TSPYL5: variants seen among roughly 807,000 people sequenced by gnomAD.
TSPYL5 encodes the protein testis-specific Y-encoded-like protein 5.
For missense variants in TSPYL5, 556 were observed against 555.5 expected (o/e 1.00, Z -0.01); for synonymous variants, 276 against 236.1 (o/e 1.17, Z -1.55).
Position 97,274,614 on chromosome 8 carries a change from C to A in TSPYL5, c.*1977G>T, listed in dbSNP as rs578052901. On this transcript the variant is annotated 3_prime_UTR_variant, in exon 1 of 1. Coordinates refer to ENST00000322128, the MANE Select transcript of TSPYL5 (RefSeq NM_033512.3). Reference sequence around the variant, plus strand: ...GCCATTTCTGTCTGATTTTGCAGGCCCACTCCATACCAGTATCATGCCTAC... The same window carrying A: ...GCCATTTCTGTCTGATTTTGCAGGCACACTCCATACCAGTATCATGCCTAC... The A allele has an allele frequency of 9.7e-4, 118 of 121,582 alleles. No individual in the cohort carries two copies. The highest frequency in any genetic ancestry group is 2.9e-3 in the African/African-American group (112 of 38,916). 7.5% of individuals were successfully genotyped at this position (121,582 alleles called of 1,614,324 possible).
chr8:97,274,887 C>A lies in TSPYL5; in HGVS notation c.*1704G>T, dbSNP rs994697371. The stretch of plus-strand genomic sequence containing the variant: ...TCTGCCCATCCCAATCCCCATCCCC[C>A]AGGAGAAGCTTGAGATGCTCCATAT... On this transcript the variant is annotated 3_prime_UTR_variant, in exon 1 of 1. Transcript: ENST00000322128. The A allele has an allele frequency of 6.6e-6, 1 of 152,262 alleles. No individual in the cohort carries two copies. Among genetic ancestry groups the A allele is most frequent in the Non-Finnish European group, 1.5e-5 (1 of 68,056 alleles). The allele number at this position is 152,262 out of a possible 1,614,324, so 9.4% of individuals were successfully genotyped here.
chr8:97,276,682 C>T lies in TSPYL5; in HGVS notation c.1163G>A (p.Arg388His), dbSNP rs768441495. The stretch of plus-strand genomic sequence containing the variant: ...TTCTTTTTCCTTTCCTTTCTCTACA[C>T]GAGCCCCTTCACTCAAAAGGTAGAA... The part of the protein sequence containing the change: ...LQFYLLSEGA[R>H]VEKGKEKEGR... Residue 388 changes from arginine to histidine, a missense_variant, in exon 1 of 1, where the codon CGT becomes CAT. Transcript: ENST00000322128. 37 of 1,614,190 alleles carry T rather than the reference C, an allele frequency of 2.3e-5. No homozygotes were observed. The highest frequency in any genetic ancestry group is 2.0e-4 in the South Asian group (18 of 91,084).
In TSPYL5 at chr8:97,276,052, T is replaced by C. The variant is rs755740257; in HGVS notation, c.*539A>G. The C allele has an allele frequency of 6.5e-6, 1 of 154,582 alleles. No homozygotes were observed. The highest frequency in any genetic ancestry group is 1.4e-5 in the Non-Finnish European group (1 of 69,806). The allele number at this position is 154,582 out of a possible 1,614,324, so 9.6% of individuals were successfully genotyped here. A position where few individuals can be genotyped will look rare whatever the true frequency, so the allele number is the denominator to read the frequency against. ...ACAGACCACAGGCCAAAGCCAGAAA[T>C]AAAGCAGGTGACATCTCAGCTGGTG... is the stretch of plus-strand genomic sequence containing the variant. On this transcript the variant is annotated 3_prime_UTR_variant, in exon 1 of 1. Transcript: ENST00000322128.
chr8:97,277,385 T>C lies in TSPYL5; in HGVS notation c.460A>G (p.Ser154Gly). Residue 154 changes from serine to glycine, a missense_variant, in exon 1 of 1, where the codon AGC becomes GGC. Transcript: ENST00000322128. The surrounding 1 kb of genome is among the most constrained non-coding windows in gnomAD (Gnocchi z 4.5). ...PAGKKAPETC[S>G]TAGRGPQVIA... ...ACCTGAGGCCCCCTCCCCGCGGTGC[T>C]ACAGGTTTCTGGGGCCTTCTTCCCG... is the stretch of plus-strand genomic sequence containing the variant. 1 of 1,595,184 alleles carries C rather than the reference T, an allele frequency of 6.3e-7. No homozygotes were observed. Among genetic ancestry groups the C allele is most frequent in the Middle Eastern group, 1.7e-4 (1 of 5,906 alleles).
In TSPYL5 at chr8:97,273,921, G is replaced by C. The variant is rs1810468796; in HGVS notation, c.*2670C>G. 1 of 152,244 alleles carries C rather than the reference G, an allele frequency of 6.6e-6. No homozygotes were observed. The highest frequency in any genetic ancestry group is 1.9e-4 in the East Asian group (1 of 5,184). 9.4% of individuals were successfully genotyped at this position (152,244 alleles called of 1,614,324 possible). On this transcript the variant is annotated 3_prime_UTR_variant, in exon 1 of 1. Transcript: ENST00000322128. ...TTAATTCTTAAAACACATTTCTAAGGCCCATCTCTGGAACTTCATTAGTTA... is the reference window on the plus strand; with the variant it reads ...TTAATTCTTAAAACACATTTCTAAGCCCCATCTCTGGAACTTCATTAGTTA...
Position 97,277,095 on chromosome 8 carries a change from G to T in TSPYL5, c.750C>A (p.Gly250=). The T allele has an allele frequency of 6.2e-7, 1 of 1,612,414 alleles. No individual in the cohort carries two copies. The highest frequency in any genetic ancestry group is 1.3e-5 in the African/African-American group (1 of 75,052). ...GGTTCTGAAATGCTTGCCCCCAGAAGCCCGGGATATTTTGGATGAGGTGGT... is the reference window on the plus strand; with the variant it reads ...GGTTCTGAAATGCTTGCCCCCAGAATCCCGGGATATTTTGGATGAGGTGGT... ...RRNHLIQNIP[G]FWGQAFQNHP... The change falls in exon 1 of 1, where the codon GGC becomes GGA. Residue 250 remains glycine, a synonymous_variant. Coordinates refer to ENST00000322128, the MANE Select transcript of TSPYL5 (RefSeq NM_033512.3). This position sits in a 1 kb window ranked among gnomAD's most constrained non-coding sequence, Gnocchi z 4.5.
In TSPYL5 at chr8:97,277,018, T is replaced by C; in HGVS notation, c.827A>G (p.Tyr276Cys). The C allele has an allele frequency of 1.2e-6, 2 of 1,614,206 alleles. No individual in the cohort carries two copies. The highest frequency in any genetic ancestry group is 1.1e-5 in the South Asian group (1 of 91,086). The change falls in exon 1 of 1, where the codon TAC becomes TGC. Residue 276 changes from tyrosine (Y) to cysteine (C), a missense_variant. Tyr to Cys is a radical substitution (Grantham distance 194). Coordinates refer to ENST00000322128, the MANE Select transcript of TSPYL5 (RefSeq NM_033512.3). The surrounding 1 kb of genome is among the most constrained non-coding windows in gnomAD (Gnocchi z 4.5). ...LNSQEKEVLS[Y>C]LNSLEVEELG... is the part of the protein sequence containing the mutation. ...CTCTTCCACTTCCAAGCTGTTTAAG[T>C]AGCTCAGTACCTCTTTCTCTTGGCT...
In TSPYL5 at chr8:97,276,930, T is replaced by C. The variant is rs1350586562; in HGVS notation, c.915A>G (p.Gln305=). 1 of 1,614,146 alleles carries C rather than the reference T, an allele frequency of 6.2e-7. No individual in the cohort carries two copies. Among genetic ancestry groups the C allele is most frequent in the Middle Eastern group, 1.6e-4 (1 of 6,062 alleles). The change falls in exon 1 of 1, where the codon CAA becomes CAG. Residue 305 remains glutamine, a synonymous_variant. Coordinates refer to ENST00000322128, the MANE Select transcript of TSPYL5 (RefSeq NM_033512.3). ...KFYFDRNPYF[Q]NKVLIKEYGC... is the part of the protein sequence containing the mutation. ...CATATTCCTTGATGAGCACCTTATT[T>C]TGGAAATACGGGTTGCGATCGAAGT...
Position 97,276,358 on chromosome 8 carries a change from T to C in TSPYL5, c.*233A>G, listed in dbSNP as rs1810514054. The C allele has an allele frequency of 1.8e-6, 1 of 542,680 alleles. No homozygotes were observed. The highest frequency in any genetic ancestry group is 2.7e-5 in the South Asian group (1 of 37,356). 33.6% of individuals were successfully genotyped at this position (542,680 alleles called of 1,614,324 possible). Reference sequence around the variant, plus strand: ...TAACAGGGAGCACACATCTAAAGTATGTGTGCTTAACATATGAACAGTCCG... The same window carrying C: ...TAACAGGGAGCACACATCTAAAGTACGTGTGCTTAACATATGAACAGTCCG... On this transcript the variant is annotated 3_prime_UTR_variant, in exon 1 of 1. Transcript: ENST00000322128.
In TSPYL5 at chr8:97,277,440, G is replaced by A. The variant is rs201627289; in HGVS notation, c.405C>T (p.Ala135=). The A allele has an allele frequency of 8.7e-5, 134 of 1,543,752 alleles. No individual in the cohort carries two copies. The highest frequency in any genetic ancestry group is 5.3e-4 in the Middle Eastern group (3 of 5,672). ...GGCCACGCCGGTTTCCAACGCGGGG[G>A]GCATTTTTCGGCCTTCCCACGGTTC... The part of the protein sequence containing the change: ...TAGTVGRPKN[A]PRVGNRRGPA... The change falls in exon 1 of 1, where the codon GCC becomes GCT. Residue 135 remains alanine (A), a synonymous_variant. Coordinates refer to ENST00000322128, the MANE Select transcript of TSPYL5 (RefSeq NM_033512.3). The surrounding 1 kb of genome is among the most constrained non-coding windows in gnomAD (Gnocchi z 4.5).
Sources: gnomAD v4.1 joint callset for allele counts on GRCh38, gnomAD v4.1.1 for gene constraint, Gnocchi (gnomAD v3.1) non-coding constraint, MANE v1.5 for transcripts, NCBI Gene and HGNC (gene_info 2026-07-23, HGNC 2026-07-21) for gene names.